Variants in TUT4 observed in about 807,000 individuals in gnomAD.
The protein encoded by TUT4 is terminal uridylyltransferase 4.
A neutral mutation model predicts 192.2 loss-of-function variants in TUT4; 36 were observed. The observed-to-expected ratio is 0.19, with a 90% CI of 0.14 to 0.25. TUT4 has a LOEUF of 0.25. Among genes scored for constraint, TUT4 ranks in the 10% least tolerant of loss-of-function variants. TUT4 has a pLI of 1.00. For synonymous variants in TUT4, 618 were observed against 666.0 expected (o/e 0.93, Z 1.11); for missense variants, 1,493 against 1,957.2 (o/e 0.76, Z 4.47).
At chr1:52,520,160 T>C (rs1679855641) in intron 2 of TUT4, among the ~76,000 whole-genome samples, 1 of 152,094 alleles carries the variant, frequency 6.6e-6, no homozygotes. Flanking sequence ...AAGAAAACTA[T>C]GCGGATGGAG....
chr1:52,511,102 A>T (rs1283905934), intron 3 of TUT4, among the ~76,000 whole-genome samples: 1 of 152,228 alleles, frequency 6.6e-6, no homozygotes, highest in Admixed American at 6.5e-5. Context: ...CAAATTTAGC[A>T]ACAATCCTGC....
intron 2 of TUT4, among the ~76,000 whole-genome samples, chr1:52,519,532 G>A (rs1315229408): frequency 4.0e-5 from 6 of 149,456 alleles, no homozygotes; most frequent in African/African-American, 9.9e-5. Context: ...TTTTTGAGAC[G>A]GAGTTTCGCT....
At chr1:52,539,483 T>C (rs1342818213) in intron 1 of TUT4, among the ~76,000 whole-genome samples, 1 of 152,138 alleles carries the variant, frequency 6.6e-6, no homozygotes, top group African/African-American at 2.4e-5. Context: ...ATGGATATAA[T>C]TTCCTGGCTT....
At chr1:52,453,644 C>T (rs12026560) in intron 20 of TUT4, among the ~76,000 whole-genome samples, 13,249 of 152,096 alleles carry the variant, frequency 0.087, 741 homozygotes, top group East Asian at 0.2. Context: ...AAACTCAATG[C>T]TTTCCCTTGT....
chr1:52,463,547 G>A, intron 16 of TUT4: 2 of 1,191,606 alleles, frequency 1.7e-6, no homozygotes, highest in South Asian at 1.6e-5. Flanking sequence ...ATGTAACAGA[G>A]GCGATACTGA....
At chr1:52,436,131 T>C (rs987740899) in intron 26 of TUT4, among the ~76,000 whole-genome samples, 6 of 152,146 alleles carry the variant, frequency 3.9e-5, no homozygotes, top group African/African-American at 1.4e-4. Context: ...AATATGTTTC[T>C]AGGAAAAAAG....
intron 1 of TUT4, among the ~76,000 whole-genome samples, chr1:52,545,731 G>A (rs985469113): frequency 6.6e-6 from 1 of 151,916 alleles, no homozygotes; most frequent in African/African-American, 2.4e-5. Context: ...GTGCACTGTT[G>A]GTAGGAACGT....
At chr1:52,513,425 T>C in intron 3 of TUT4, among the ~76,000 whole-genome samples, 1 of 103,296 alleles carries the variant, frequency 9.7e-6, no homozygotes, top group East Asian at 2.3e-4. Context: ...GTACAATGAA[T>C]TGTACCAAGT....
intron 4 of TUT4, among the ~76,000 whole-genome samples, chr1:52,503,643 C>A (rs1454108448): frequency 6.6e-6 from 1 of 151,956 alleles, no homozygotes; most frequent in Non-Finnish European, 1.5e-5. Context: ...GGACCCAAAC[C>A]CCTGGGCTCA....
intron 1 of TUT4, among the ~76,000 whole-genome samples, chr1:52,533,896 G>A (rs1684172142): frequency 6.6e-6 from 1 of 152,196 alleles, no homozygotes; most frequent in Non-Finnish European, 1.5e-5. Flanking sequence ...AACCTGGGAG[G>A]CGGAGATTGC....
chr1:52,542,830 C>T (rs535650864), intron 1 of TUT4, among the ~76,000 whole-genome samples: 11 of 151,816 alleles, frequency 7.2e-5, no homozygotes, highest in South Asian at 4.2e-4. Flanking sequence ...GGCACGATCT[C>T]GGCTCACCGC....
chr1:52,514,012 G>C (rs1677999284), intron 3 of TUT4, among the ~76,000 whole-genome samples: 1 of 152,132 alleles, frequency 6.6e-6, no homozygotes, highest in Admixed American at 6.5e-5. Context: ...TTACCAGGTA[G>C]GTCAATCTTT....
intron 29 of TUT4, chr1:52,424,792 A>C (rs1168207795): frequency 6.6e-6 from 1 of 152,248 alleles, no homozygotes; most frequent in East Asian, 1.9e-4. Context: ...AAAAACCTTT[A>C]ATTAGGTCCC....
chr1:52,475,300 T>C lies in TUT4; in HGVS notation c.2259A>G (p.Thr753=). The C allele has an allele frequency of 6.2e-7, 1 of 1,614,170 alleles. No individual in the cohort carries two copies. The highest frequency in any genetic ancestry group is 8.5e-7 in the Non-Finnish European group (1 of 1,180,020). Residue 753 remains threonine, a synonymous_variant, in exon 13 of 30, where the codon ACA becomes ACG. Transcript: ENST00000257177. ...GCTCTCTTTCTGCATTTATTTTTTC[T>C]GTGGTTTCCCCAAGCAGAATACAAC... ...TNGCILLGET[T]EKINAEREQP...
intron 1 of TUT4, among the ~76,000 whole-genome samples, chr1:52,544,819 G>A (rs1687643859): frequency 6.6e-6 from 1 of 152,108 alleles, no homozygotes; most frequent in Admixed American, 6.5e-5. Flanking sequence ...CACTCTGGGA[G>A]GCCCAGCCAG....
At chr1:52,435,287 TGA>T (rs1347668585) in intron 27 of TUT4, 76 bp downstream of exon 27, 25 of 1,187,062 alleles carry the variant, frequency 2.1e-5, no homozygotes, top group Non-Finnish European at 2.0e-5. Context: ...TTAGCCAGTC[TGA>T]GAGAAAACAC....
chr1:52,515,723 CA>C, intron 3 of TUT4, 167 bp downstream of exon 3: 1 of 757,832 alleles, frequency 1.3e-6, no homozygotes, highest in Non-Finnish European at 2.1e-6. Flanking sequence ...AAAAGAGAGG[CA>C]AGGAAGAAAA....
At chr1:52,448,636 T>C (rs907509409) in intron 20 of TUT4, among the ~76,000 whole-genome samples, 25 of 146,264 alleles carry the variant, frequency 1.7e-4, no homozygotes, top group Admixed American at 1.1e-3. Context: ...GCTATTAATA[T>C]CTGAAACAAA....
rs187331426 is a variant in TUT4, at chr1:52,529,130, C to T, written c.-93-2757G>A. On this transcript the variant is annotated intron_variant, in intron 1 of 29. Transcript: ENST00000257177. ...TCTTTCTAAATTATTATAATGAAAA[C>T]TAAAGTCAAAACCACACTAGATATG... Among the ~76,000 whole-genome samples the T allele has an allele frequency of 8.6e-5, 13 of 151,882 alleles. No homozygotes were observed. In the East Asian group the frequency reaches 2.3e-3, roughly 27 times the overall value.
Sources: allele counts gnomAD v4.1 joint callset (sites outside exome capture counted in the v4.1 genomes callset), GRCh38; gene constraint gnomAD v4.1.1; transcripts MANE v1.5; gene names NCBI Gene and HGNC (gene_info 2026-07-23, HGNC 2026-07-21).